The following CEP192 variants were observed in gnomAD, a reference collection of about 807,000 sequenced individuals.
The protein encoded by CEP192 is centrosomal protein 192.
CEP192 carries 151 observed loss-of-function variants against 271.8 expected under a neutral mutation model. The observed-to-expected ratio is 0.56, with a 90% CI of 0.49 to 0.64. The LOEUF (loss-of-function observed/expected upper bound fraction) is 0.64, where lower values mean the gene tolerates loss of function less well. Ranked by LOEUF, CEP192 falls within the 30% of genes least tolerant of loss-of-function variation. The pLI, the probability that CEP192 is intolerant of heterozygous loss-of-function variation, is 0.00. For synonymous variants in CEP192, 995 were observed against 1,076.5 expected (o/e 0.92, Z 1.48); for missense variants, 2,910 against 3,020.5 (o/e 0.96, Z 0.86).
chr18:13,039,251 T>G (rs2036073351), intron 13 of CEP192, among the ~76,000 whole-genome samples: 1 of 151,970 alleles, frequency 6.6e-6, no homozygotes, highest in Admixed American at 6.6e-5. Context: ...GGTCAGGAGT[T>G]CGAGACCAAC....
At chr18:13,048,751 G>A (rs2036612112) in intron 15 of CEP192, 108 bp from the exon 16 acceptor site, 2 of 700,268 alleles carry the variant, frequency 2.9e-6, no homozygotes, top group Non-Finnish European at 4.8e-6. Context: ...GAGGTTTCAG[G>A]TATCCACTTG....
At position 13,059,174 on chromosome 18, in the gene CEP192, A is replaced by G. The variant is rs115165883; in HGVS notation, c.4350A>G (p.Pro1450=). 2.2e-3 allele frequency: 3,611 copies of G among 1,614,044 alleles called. 76 individuals carry two copies. In the East Asian group the frequency reaches 0.045, roughly 20 times the overall value. ...AAGAGATAAAAGTGCTTTTTATACC[A>G]TCCAGTCCTGGGGTTTTCAGATGCA... ...ATEEIKVLFI[P]SSPGVFRCTF... The change falls in exon 21 of 45, where the codon CCA becomes CCG. Residue 1450 remains proline, a synonymous_variant. Transcript: ENST00000506447.
intron 31 of CEP192, 105 bp from the exon 32 acceptor site, chr18:13,087,426 A>G (rs2038947290): frequency 1.1e-6 from 1 of 912,176 alleles, no homozygotes; most frequent in Non-Finnish European, 1.6e-6. Flanking sequence ...ATGCGTATGC[A>G]CTTGTGTCTG....
At position 13,002,045 on chromosome 18, in the gene CEP192, C is replaced by T. The variant is rs920329384; in HGVS notation, c.290+463C>T. On this transcript the variant is annotated intron_variant, in intron 3 of 44. Coordinates refer to ENST00000506447, the MANE Select transcript of CEP192 (RefSeq NM_032142.4). The stretch of plus-strand genomic sequence containing the variant: ...GAGTTTTCTTTATGCATTTTAATCA[C>T]GTTTAGTCTTTCAAAACATTTTTTT... Among the ~76,000 whole-genome samples the T allele has an allele frequency of 5.9e-5, 9 of 152,210 alleles. No individual in the cohort carries two copies. In the East Asian group the frequency reaches 1.5e-3, roughly 26 times the overall value.
At chr18:12,997,605 AT>A (rs2033336718) in intron 1 of CEP192, among the ~76,000 whole-genome samples, 1 of 152,152 alleles carries the variant, frequency 6.6e-6, no homozygotes, top group African/African-American at 2.4e-5. Flanking sequence ...CAGGCAGATA[AT>A]TTTTAAAGGG....
At chr18:13,028,459 A>G (rs547601353) in intron 9 of CEP192, among the ~76,000 whole-genome samples, 3 of 152,130 alleles carry the variant, frequency 2.0e-5, no homozygotes, top group Non-Finnish European at 2.9e-5. Flanking sequence ...ATTTTTTCCT[A>G]GTACTCTTAT....
intron 9 of CEP192, among the ~76,000 whole-genome samples, chr18:13,020,193 C>T (rs113933767): frequency 6.6e-6 from 1 of 152,310 alleles, no homozygotes; most frequent in African/African-American, 2.4e-5. Context: ...GACTCTTCAT[C>T]TTGTAAAACA....
chr18:13,090,504 A>C (rs1283265123), intron 33 of CEP192, among the ~76,000 whole-genome samples: 1 of 152,074 alleles, frequency 6.6e-6, no homozygotes, highest in Non-Finnish European at 1.5e-5. Context: ...TTTTTTAGTG[A>C]TGGAATGTAT....
At chr18:13,034,379 G>A (rs188259902) in intron 11 of CEP192, among the ~76,000 whole-genome samples, 2 of 152,150 alleles carry the variant, frequency 1.3e-5, no homozygotes, top group Admixed American at 6.5e-5. Context: ...AAAGGAGAAA[G>A]GAACTTTAAA....
chr18:13,029,352 T>C (rs2143517163), intron 9 of CEP192, among the ~76,000 whole-genome samples: 1 of 152,350 alleles, frequency 6.6e-6, no homozygotes, highest in Non-Finnish European at 1.5e-5. Flanking sequence ...TTATTGGTAA[T>C]GATAAAAGTT....
At chr18:13,103,167 A>G (rs544350754) in intron 38 of CEP192, among the ~76,000 whole-genome samples, 1 of 152,224 alleles carries the variant, frequency 6.6e-6, no homozygotes, top group South Asian at 2.1e-4. Flanking sequence ...CTCATAGCCA[A>G]ACTGCTGCAG....
intron 18 of CEP192, among the ~76,000 whole-genome samples, chr18:13,054,740 GTCTT>G (rs1374231888): frequency 2.0e-5 from 3 of 152,168 alleles, no homozygotes; most frequent in Non-Finnish European, 4.4e-5. Context: ...GTTTCTTAGT[GTCTT>G]TATTTCTGAA....
chr18:13,101,285 T>C (rs1598606755), intron 38 of CEP192, among the ~76,000 whole-genome samples: 1 of 152,202 alleles, frequency 6.6e-6, no homozygotes, highest in Non-Finnish European at 1.5e-5. Flanking sequence ...TTTGCTCAAC[T>C]GTGGGCTCAG....
intron 30 of CEP192, among the ~76,000 whole-genome samples, chr18:13,085,488 G>A (rs562175583): frequency 1.3e-5 from 2 of 152,274 alleles, no homozygotes; most frequent in South Asian, 4.1e-4. Flanking sequence ...GTCCTGAATG[G>A]TATTGCCTAG....
chr18:13,061,993 C>T (rs1257803489), intron 21 of CEP192, among the ~76,000 whole-genome samples: 1 of 152,192 alleles, frequency 6.6e-6, no homozygotes, highest in African/African-American at 2.4e-5. Flanking sequence ...CTGTAGCAGA[C>T]ATGATAAATC....
intron 9 of CEP192, among the ~76,000 whole-genome samples, chr18:13,022,809 A>T (rs559480728): frequency 7.9e-5 from 12 of 152,240 alleles, no homozygotes; most frequent in Admixed American, 7.9e-4. Flanking sequence ...GAGTCTTCCT[A>T]TCCATGAACA....
intron 9 of CEP192, among the ~76,000 whole-genome samples, chr18:13,026,124 G>A (rs2035286040): frequency 6.6e-6 from 1 of 152,116 alleles, no homozygotes; most frequent in South Asian, 2.1e-4. Context: ...AATTTCTTAG[G>A]GTACAGAATT....
At chr18:13,002,702 A>G (rs908124332) in intron 3 of CEP192, among the ~76,000 whole-genome samples, 10 of 152,328 alleles carry the variant, frequency 6.6e-5, no homozygotes, top group African/African-American at 2.4e-4. Flanking sequence ...TTTATATAAT[A>G]CATATGTATA....
rs1568334157 is a variant in CEP192 at position 13,049,380 on chromosome 18, C to T, written c.2589C>T (p.Ser863=). 1 of 1,614,044 alleles carries T rather than the reference C, an allele frequency of 6.2e-7. No homozygotes were observed. The change falls in exon 16 of 45, where the codon TCC becomes TCT. Residue 863 remains serine (S), a synonymous_variant. Transcript: ENST00000506447. ...ENQESFRTIN[S]SNSVTNRENN... ...AAGAGTCATTTAGAACCATAAACTC[C>T]TCAAATTCAGTTACAAATAGAGAGA...
Sources: allele counts gnomAD v4.1 joint callset (sites outside exome capture counted in the v4.1 genomes callset), GRCh38; gene constraint gnomAD v4.1.1; transcripts MANE v1.5; gene names NCBI Gene and HGNC (gene_info 2026-07-23, HGNC 2026-07-21).